Variants in HMBOX1 observed in about 807,000 individuals in gnomAD.
HMBOX1 encodes the protein homeobox containing 1, also known as homeobox-containing protein 1.
Under a neutral mutation model 54.5 loss-of-function variants are expected in HMBOX1, and 14 were observed. The observed-to-expected ratio is 0.26, with a 90% CI of 0.17 to 0.40. HMBOX1 has a LOEUF of 0.40. HMBOX1 is among the 10% of genes least tolerant of loss of function. The pLI is 1.00. For missense variants in HMBOX1, 332 were observed against 514.4 expected (o/e 0.65, Z 3.43); for synonymous variants, 160 against 181.0 (o/e 0.88, Z 0.93).
At chr8:28,939,271 A>G (rs1393815713) in intron 1 of HMBOX1, among the ~76,000 whole-genome samples, 1 of 151,726 alleles carries the variant, frequency 6.6e-6, no homozygotes, top group African/African-American at 2.4e-5. Flanking sequence ...CCTGGGCAAC[A>G]AGAGCAAAAC....
At chr8:28,973,429 A>G (rs1211136923) in intron 3 of HMBOX1, among the ~76,000 whole-genome samples, 1 of 152,186 alleles carries the variant, frequency 6.6e-6, no homozygotes, top group Non-Finnish European at 1.5e-5. Context: ...AATTGCCTTA[A>G]TGGGCTTCAC....
intron 1 of HMBOX1, among the ~76,000 whole-genome samples, chr8:28,941,166 T>A (rs1230163324): frequency 6.6e-6 from 1 of 152,238 alleles, no homozygotes; most frequent in African/African-American, 2.4e-5. Flanking sequence ...CAGCACAAAC[T>A]ATCTTTTACA....
chr8:28,960,900 C>T (rs1013388697), intron 1 of HMBOX1, among the ~76,000 whole-genome samples: 2 of 150,350 alleles, frequency 1.3e-5, no homozygotes, highest in Non-Finnish European at 2.9e-5. Flanking sequence ...GATTCTCCTG[C>T]CTCAGACTCC....
At chr8:29,018,150 A>C (rs2132982659) in intron 5 of HMBOX1, among the ~76,000 whole-genome samples, 1 of 152,348 alleles carries the variant, frequency 6.6e-6, no homozygotes, top group East Asian at 1.9e-4. Context: ...TGGAGGTCAC[A>C]GACAATGTTG....
chr8:28,913,532 T>C (rs1815892812), intron 1 of HMBOX1, among the ~76,000 whole-genome samples: 1 of 152,180 alleles, frequency 6.6e-6, no homozygotes, highest in South Asian at 2.1e-4. Flanking sequence ...GTTAGGATAT[T>C]TTCTTACATG....
chr8:28,993,263 A>C (rs1020000378), intron 4 of HMBOX1, among the ~76,000 whole-genome samples: 8 of 152,196 alleles, frequency 5.3e-5, no homozygotes, highest in African/African-American at 1.4e-4. Context: ...ATAAAGATTT[A>C]GATTTCAATT....
At chr8:28,919,327 G>A (rs140280088) in intron 1 of HMBOX1, among the ~76,000 whole-genome samples, 91 of 152,232 alleles carry the variant, frequency 6.0e-4, no homozygotes, top group Non-Finnish European at 9.7e-4. Flanking sequence ...TTGTATTATA[G>A]CCAACACAAT....
chr8:28,938,240 C>A (rs917199913), intron 1 of HMBOX1, among the ~76,000 whole-genome samples: 2 of 152,104 alleles, frequency 1.3e-5, no homozygotes, highest in Non-Finnish European at 2.9e-5. Flanking sequence ...TCTGCAAAAT[C>A]GAGAAAATTA....
chr8:28,898,976 A>G (rs1431833853), intron 1 of HMBOX1, among the ~76,000 whole-genome samples: 1 of 152,234 alleles, frequency 6.6e-6, no homozygotes, highest in African/African-American at 2.4e-5. Context: ...TCAGTTAAAC[A>G]TGTCAAGTCT....
chr8:29,025,996 C>A (rs1016173056), intron 6 of HMBOX1, among the ~76,000 whole-genome samples: 8 of 151,224 alleles, frequency 5.3e-5, no homozygotes, highest in African/African-American at 1.5e-4. Context: ...TGAGGAAAAT[C>A]AAGCAATCAG....
chr8:29,031,036 TC>T (rs2133174915), intron 6 of HMBOX1, among the ~76,000 whole-genome samples: 1 of 152,358 alleles, frequency 6.6e-6, no homozygotes, highest in South Asian at 2.1e-4. Flanking sequence ...AAACTCACCT[TC>T]CTACTGCTTA....
chr8:28,936,766 T>C (rs1820466798), intron 1 of HMBOX1, among the ~76,000 whole-genome samples: 1 of 150,230 alleles, frequency 6.7e-6, no homozygotes, highest in South Asian at 2.1e-4. Flanking sequence ...GTTAAGAATA[T>C]TTTTTCCATC....
At chr8:28,895,573 G>A (rs1258762315) in intron 1 of HMBOX1, among the ~76,000 whole-genome samples, 1 of 152,068 alleles carries the variant, frequency 6.6e-6, no homozygotes, top group Admixed American at 6.5e-5. Flanking sequence ...TACTCGGGAG[G>A]CTGAGGCAGG....
rs150090341 is a variant in HMBOX1 at position 28,939,927 on chromosome 8, A to C, written c.-57-23884A>C. ...AATCTCTTGTATTTTGGCCCTTCCC[A>C]TAGTAGGTCTTTTACGCATGATGTT... On this transcript the variant is annotated intron_variant, in intron 1 of 9. Coordinates refer to ENST00000287701, the MANE Select transcript of HMBOX1 (RefSeq NM_001135726.3). Among the ~76,000 whole-genome samples, 494 of 152,232 alleles carry C rather than the reference A, an allele frequency of 3.2e-3. 7 individuals are homozygous for C. Among genetic ancestry groups the C allele is most frequent in the African/African-American group, 0.011 (461 of 41,540 alleles).
At chr8:28,973,834 T>G (rs1170672610) in intron 3 of HMBOX1, among the ~76,000 whole-genome samples, 1 of 80,970 alleles carries the variant, frequency 1.2e-5, no homozygotes, top group African/African-American at 5.0e-5. Flanking sequence ...TTTTTTTTTT[T>G]GAGACAGTCT....
intron 1 of HMBOX1, among the ~76,000 whole-genome samples, chr8:28,909,989 T>C (rs1225331553): frequency 6.6e-6 from 1 of 152,108 alleles, no homozygotes; most frequent in Non-Finnish European, 1.5e-5. Flanking sequence ...GCCTGTTCAG[T>C]CCCAGAACAC....
At chr8:29,009,230 T>G in intron 5 of HMBOX1, 48 bp downstream of exon 5, 1 of 1,430,754 alleles carries the variant, frequency 7.0e-7, no homozygotes, top group Non-Finnish European at 9.8e-7. Context: ...AAGACAGATA[T>G]AATGAATTAC....
chr8:29,033,167 C>T (rs941308913), intron 6 of HMBOX1, among the ~76,000 whole-genome samples: 4 of 152,138 alleles, frequency 2.6e-5, no homozygotes, highest in Non-Finnish European at 5.9e-5. Flanking sequence ...CACCGCAACC[C>T]CTGGCAAGCT....
chr8:29,051,099 GC>G lies in HMBOX1; in HGVS notation c.1208del (p.Ala403AspfsTer23), dbSNP rs1180474173. ...GGCAGCAGTCAACCACACTATCTTG[GC>G]ATTGGCCCGACAAGGAGCCAACGAA... ...EMAAVNHTIL[A>X]LARQGANEIK... On this transcript the variant is annotated frameshift_variant, in exon 10 of 10. Transcript: ENST00000287701. LOFTEE classifies it high-confidence loss of function. The G allele has an allele frequency of 6.2e-7, 1 of 1,613,614 alleles. No individual in the cohort carries two copies. Among genetic ancestry groups the G allele is most frequent in the Non-Finnish European group, 8.5e-7 (1 of 1,179,950 alleles).
Sources: gnomAD v4.1 joint callset for allele counts (sites outside exome capture counted in the v4.1 genomes callset) on GRCh38, gnomAD v4.1.1 for gene constraint, MANE v1.5 for transcripts, NCBI Gene and HGNC (gene_info 2026-07-23, HGNC 2026-07-21) for gene names.